ADAM22: variants seen among roughly 807,000 people sequenced by gnomAD.
ADAM22 encodes the protein disintegrin and metalloproteinase domain-containing protein 22.
ADAM22 carries 65 observed loss-of-function variants against 144.6 expected under a neutral mutation model. That is an observed-to-expected ratio of 0.45 (90% CI 0.37 to 0.55). ADAM22 has a LOEUF of 0.55. ADAM22 is among the 20% of genes least tolerant of loss of function. The pLI, the probability that ADAM22 is intolerant of heterozygous loss-of-function variation, is 0.00. For missense variants in ADAM22, 974 were observed against 1,184.9 expected (o/e 0.82, Z 2.61); for synonymous variants, 391 against 412.6 (o/e 0.95, Z 0.63).
chr7:87,934,456 C>A lies in ADAM22; in HGVS notation c.-10C>A. On this transcript the variant is annotated 5_prime_UTR_variant, in exon 1 of 32. Transcript: ENST00000413139. ...GAGCGTCTCGGGCGAGGCGGGCTGA[C>A]GGCAGCACCATGCAGGCGGCAGTGG... 1.3e-6 allele frequency: 2 copies of A among 1,586,882 alleles called. No homozygotes were observed. The highest frequency in any genetic ancestry group is 1.8e-4 in the Middle Eastern group (1 of 5,662).
At chr7:88,179,157 A>G in intron 27 of ADAM22, 28 bp downstream of exon 27, 3 of 820,260 alleles carry the variant, frequency 3.7e-6, no homozygotes, top group Non-Finnish European at 6.1e-6. Flanking sequence ...TTCTTTCTTG[A>G]ATGTTAAAAA....
chr7:88,101,524 G>C (rs1044827790), intron 4 of ADAM22, among the ~76,000 whole-genome samples: 1 of 152,124 alleles, frequency 6.6e-6, no homozygotes, highest in African/African-American at 2.4e-5. Context: ...TTTGTCCCAG[G>C]CAAACTGGAA....
At chr7:88,089,650 G>A (rs1347008500) in intron 4 of ADAM22, among the ~76,000 whole-genome samples, 1 of 152,140 alleles carries the variant, frequency 6.6e-6, no homozygotes, top group Non-Finnish European at 1.5e-5. Flanking sequence ...TCTTGGATAA[G>A]GCTCTTGGAT....
chr7:87,972,683 A>C (rs1430132562), intron 2 of ADAM22, among the ~76,000 whole-genome samples: 2 of 152,218 alleles, frequency 1.3e-5, no homozygotes, highest in Non-Finnish European at 2.9e-5. Flanking sequence ...ACTTCACACT[A>C]TACCTACAAA....
intron 3 of ADAM22, among the ~76,000 whole-genome samples, chr7:88,069,419 C>G (rs577766240): frequency 6.6e-6 from 1 of 152,284 alleles, no homozygotes; most frequent in South Asian, 2.1e-4. Flanking sequence ...TACAGCAGCA[C>G]AAAACAGACT....
chr7:87,976,365 G>GT (rs1375169320), intron 2 of ADAM22, among the ~76,000 whole-genome samples: 1 of 152,112 alleles, frequency 6.6e-6, no homozygotes, highest in Non-Finnish European at 1.5e-5. Context: ...AATATGACTG[G>GT]TGTCCTTATA....
chr7:88,148,399 G>T (rs1247197040), intron 17 of ADAM22, among the ~76,000 whole-genome samples: 1 of 152,078 alleles, frequency 6.6e-6, no homozygotes. Context: ...CTTGCAAGAA[G>T]TATTTGAGAT....
intron 7 of ADAM22, among the ~76,000 whole-genome samples, chr7:88,122,521 C>A (rs1475088754): frequency 6.6e-6 from 1 of 152,168 alleles, no homozygotes; most frequent in Non-Finnish European, 1.5e-5. Context: ...CTGCAAAATA[C>A]ATTCTCTTCC....
At position 87,998,092 on chromosome 7, in the gene ADAM22, C is replaced by T. The variant is rs12668088; in HGVS notation, c.323+19680C>T. Among the ~76,000 whole-genome samples the T allele has an allele frequency of 5.7e-3, 869 of 152,274 alleles. 12 individuals carry two copies. The highest frequency in any genetic ancestry group is 0.044 in the East Asian group (227 of 5,154). ...TTTGATGTTTGAAGGCAGGAAGCAT[C>T]CAGCACAGGAGGAAGATAGAGGCCG... is the stretch of plus-strand genomic sequence containing the variant. On this transcript the variant is annotated intron_variant, in intron 3 of 31. Transcript: ENST00000413139.
At chr7:88,139,379 C>G (rs1402463462) in intron 14 of ADAM22, among the ~76,000 whole-genome samples, 1 of 151,800 alleles carries the variant, frequency 6.6e-6, no homozygotes. Context: ...GATCATGCCA[C>G]TGCACTCCAG....
At chr7:87,951,980 T>C (rs971332681) in intron 2 of ADAM22, among the ~76,000 whole-genome samples, 19 of 148,776 alleles carry the variant, frequency 1.3e-4, no homozygotes, top group African/African-American at 3.5e-4. Flanking sequence ...GTGATTTTTG[T>C]ACATTGATTT....
intron 4 of ADAM22, among the ~76,000 whole-genome samples, chr7:88,082,620 T>C (rs1353503562): frequency 1.3e-5 from 2 of 152,060 alleles, no homozygotes; most frequent in Non-Finnish European, 2.9e-5. Context: ...GAATCTACAA[T>C]GTACTCAAAC....
At chr7:88,154,721 G>A (rs559793945) in intron 21 of ADAM22, among the ~76,000 whole-genome samples, 206 of 152,188 alleles carry the variant, frequency 1.4e-3, no homozygotes, top group African/African-American at 4.8e-3. Flanking sequence ...AGTTTTGAAT[G>A]AATATCTCTT....
intron 5 of ADAM22, among the ~76,000 whole-genome samples, chr7:88,108,909 A>G (rs1282654938): frequency 6.6e-6 from 1 of 152,052 alleles, no homozygotes; most frequent in Admixed American, 6.5e-5. Context: ...TTTCACAATG[A>G]TACCTTAAAA....
chr7:88,181,438 G>T, intron 27 of ADAM22, 67 bp from the exon 28 acceptor site: 1 of 1,331,300 alleles, frequency 7.5e-7, no homozygotes, highest in Non-Finnish European at 1.1e-6. Flanking sequence ...TAGAAGTTTT[G>T]CTTACTGATC....
intron 2 of ADAM22, among the ~76,000 whole-genome samples, chr7:87,937,046 C>T (rs567499550): frequency 1.3e-5 from 2 of 152,292 alleles, no homozygotes; most frequent in South Asian, 4.2e-4. Flanking sequence ...GCCTTGACCT[C>T]TTGGGCCCCA....
chr7:88,084,000 AATGTTTTTCTG>A (rs557963483), intron 4 of ADAM22, among the ~76,000 whole-genome samples: 37 of 152,226 alleles, frequency 2.4e-4, no homozygotes, highest in African/African-American at 8.9e-4. Flanking sequence ...TTTGTATGAT[AATGTTTTTCTG>A]ATGTAGAGTA....
chr7:87,948,098 A>C (rs1348560475), intron 2 of ADAM22, among the ~76,000 whole-genome samples: 1 of 151,962 alleles, frequency 6.6e-6, no homozygotes, highest in Non-Finnish European at 1.5e-5. Context: ...ACTTTCCTGC[A>C]GCCTCTTTCC....
chr7:87,956,653 A>G (rs1442691632), intron 2 of ADAM22, among the ~76,000 whole-genome samples: 1 of 152,170 alleles, frequency 6.6e-6, no homozygotes, highest in Admixed American at 6.5e-5. Flanking sequence ...TTCTGTCTCT[A>G]CAGATTTACT....
Sources: allele counts gnomAD v4.1 joint callset (sites outside exome capture counted in the v4.1 genomes callset), GRCh38; gene constraint gnomAD v4.1.1; transcripts MANE v1.5; gene names NCBI Gene and HGNC (gene_info 2026-07-23, HGNC 2026-07-21).